Variants in ASCC3 observed in about 807,000 individuals in gnomAD.
The protein encoded by ASCC3 is ASC-1 complex subunit P200.
In ASCC3, 158 loss-of-function variants were observed where a neutral mutation model predicts 256.3. That is an observed-to-expected ratio of 0.62 (90% confidence interval 0.54 to 0.70). The LOEUF (loss-of-function observed/expected upper bound fraction) is 0.70. Among genes scored for constraint, ASCC3 ranks in the 30% least tolerant of loss-of-function variants. The pLI is 0.00. For synonymous variants in ASCC3, 948 were observed against 883.4 expected (o/e 1.07, Z -1.30); for missense variants, 2,259 against 2,626.0 (o/e 0.86, Z 3.05).
chr6:100,809,472 T>G (rs1363071783), intron 4 of ASCC3, among the ~76,000 whole-genome samples: 1 of 152,122 alleles, frequency 6.6e-6, no homozygotes, highest in Non-Finnish European at 1.5e-5. Flanking sequence ...TAGAAATTTT[T>G]CAGTTCTATT....
chr6:100,676,891 T>C (rs1777049304), intron 14 of ASCC3, among the ~76,000 whole-genome samples: 4 of 152,150 alleles, frequency 2.6e-5, no homozygotes, highest in Admixed American at 6.5e-5. Flanking sequence ...AAGTCAGGAA[T>C]TGAGGTGATT....
At position 100,629,064 on chromosome 6, in the gene ASCC3, G is replaced by T; in HGVS notation, c.4326C>A (p.Asn1442Lys). 6.2e-7 allele frequency: 1 copy of T among 1,613,720 alleles called. No individual in the cohort carries two copies. The highest frequency in any genetic ancestry group is 1.3e-5 in the African/African-American group (1 of 74,996). The change falls in exon 27 of 42, where the codon AAC becomes AAA. Residue 1442 changes from asparagine (N) to lysine (K), a missense_variant. Coordinates refer to ENST00000369162, the MANE Select transcript of ASCC3 (RefSeq NM_006828.4). ...TGAGAATAGTGACTTGCTGAACATA[G>T]TTCCTATTTTGCCAGCTTCTGCTGA... ...DGVSRSWQNR[N>K]YVQQVTILII... is the part of the protein sequence containing the mutation.
At position 100,663,853 on chromosome 6, in the gene ASCC3, C is replaced by T. The variant is rs188570556; in HGVS notation, c.2287-1317G>A. On this transcript the variant is annotated intron_variant, in intron 14 of 41. Transcript: ENST00000369162. ...TGGGTGGAAGACACGAAAACAAAAA[C>T]GCACTTAATTGACACCAATCAAGTT... Among the ~76,000 whole-genome samples the T allele has an allele frequency of 2.8e-3, 426 of 152,150 alleles. 5 individuals are homozygous for T. Among genetic ancestry groups the T allele is most frequent in the Admixed American group, 5.3e-3 (81 of 15,246 alleles).
At chr6:100,580,577 T>TTTATTA (rs369397234) in intron 36 of ASCC3, among the ~76,000 whole-genome samples, 69 of 151,086 alleles carry the variant, frequency 4.6e-4, no homozygotes, top group Admixed American at 1.5e-3. Context: ...ATAAAAATCT[T>TTTATTA]TTATTATTAT....
At chr6:100,661,339 AC>A (rs1271150303) in intron 16 of ASCC3, among the ~76,000 whole-genome samples, 5 of 151,264 alleles carry the variant, frequency 3.3e-5, no homozygotes, top group Non-Finnish European at 7.4e-5. Context: ...ACACACACAC[AC>A]ACACACACAC....
chr6:100,757,137 A>G (rs1371196025), intron 10 of ASCC3, among the ~76,000 whole-genome samples: 2 of 152,164 alleles, frequency 1.3e-5, no homozygotes, highest in South Asian at 2.1e-4. Context: ...CTATTCTAAT[A>G]CATGAGAATA....
At chr6:100,730,924 G>A (rs1779872677) in intron 10 of ASCC3, among the ~76,000 whole-genome samples, 2 of 152,096 alleles carry the variant, frequency 1.3e-5, no homozygotes, top group African/African-American at 2.4e-5. Context: ...TTTATGTCAA[G>A]GATGGTGGCT....
At chr6:100,637,071 G>A (rs1043094464) in intron 25 of ASCC3, among the ~76,000 whole-genome samples, 2 of 152,198 alleles carry the variant, frequency 1.3e-5, no homozygotes, top group South Asian at 2.1e-4. Context: ...AATATTGGAG[G>A]AGGATGTCAT....
At chr6:100,607,493 A>C (rs1320559666) in intron 30 of ASCC3, among the ~76,000 whole-genome samples, 2 of 151,942 alleles carry the variant, frequency 1.3e-5, no homozygotes, top group Non-Finnish European at 2.9e-5. Flanking sequence ...GAAAAAAAAA[A>C]TCAGCCATAA....
At chr6:100,514,579 A>T (rs1773928321) in intron 39 of ASCC3, among the ~76,000 whole-genome samples, 1 of 151,748 alleles carries the variant, frequency 6.6e-6, no homozygotes, top group Admixed American at 6.6e-5. Context: ...TATTATTTTC[A>T]ATCTACAATG....
At chr6:100,837,334 T>C (rs1771925868) in intron 4 of ASCC3, among the ~76,000 whole-genome samples, 1 of 152,054 alleles carries the variant, frequency 6.6e-6, no homozygotes. Context: ...TGAAGGTTTC[T>C]CAAAAAATTA....
At chr6:100,842,905 T>C (rs1772214035) in intron 4 of ASCC3, among the ~76,000 whole-genome samples, 1 of 151,896 alleles carries the variant, frequency 6.6e-6, no homozygotes. Context: ...AGCCCAGGAG[T>C]TACAGGTTAT....
intron 3 of ASCC3, among the ~76,000 whole-genome samples, chr6:100,862,469 T>C (rs1452567224): frequency 6.6e-6 from 1 of 152,034 alleles, no homozygotes; most frequent in Middle Eastern, 3.2e-3. Context: ...GATTTGATGA[T>C]CATAAAAAGT....
At chr6:100,647,490 T>C (rs1458291343) in intron 20 of ASCC3, 39 bp from the exon 21 acceptor site, 3 of 1,544,372 alleles carry the variant, frequency 1.9e-6, no homozygotes, top group Admixed American at 1.7e-5. Context: ...TTATACCCAA[T>C]GTGCTTTTAA....
intron 1 of ASCC3, among the ~76,000 whole-genome samples, chr6:100,873,767 C>G (rs1478737693): frequency 6.6e-6 from 1 of 152,136 alleles, no homozygotes; most frequent in Non-Finnish European, 1.5e-5. Context: ...AATTTAGTAT[C>G]CAGCAAAACT....
chr6:100,623,559 A>T (rs1416354763), intron 30 of ASCC3, among the ~76,000 whole-genome samples: 1 of 152,164 alleles, frequency 6.6e-6, no homozygotes, highest in Non-Finnish European at 1.5e-5. Context: ...TGGATTTGGA[A>T]CATTGTTTTT....
chr6:100,705,556 T>C (rs1303255675), intron 13 of ASCC3, among the ~76,000 whole-genome samples: 1 of 151,914 alleles, frequency 6.6e-6, no homozygotes, highest in Non-Finnish European at 1.5e-5. Flanking sequence ...AAAACCAAAG[T>C]ACTTAAGGAA....
In ASCC3 at chr6:100,627,962, C is replaced by T; in HGVS notation, c.4401G>A (p.Glu1467=). 1.9e-6 allele frequency: 3 copies of T among 1,613,404 alleles called. No individual in the cohort carries two copies. The highest frequency in any genetic ancestry group is 2.5e-6 in the Non-Finnish European group (3 of 1,179,740). The change falls in exon 28 of 42, where the codon GAG becomes GAA. Residue 1467 remains glutamate (E), a synonymous_variant. Transcript: ENST00000369162. ...TAAAATTTGTTCGAGATACAATGAC[C>T]TCTAGAACAGGGCCTCTTTCCTCCC... ...LLGEERGPVL[E]VIVSRTNFIS...
intron 3 of ASCC3, chr6:100,856,951 G>T (rs1200172399): frequency 1.3e-5 from 2 of 152,028 alleles, no homozygotes; most frequent in Non-Finnish European, 2.9e-5. Context: ...GGATATTTAT[G>T]TCCTAAGATT....
Sources: allele counts gnomAD v4.1 joint callset (sites outside exome capture counted in the v4.1 genomes callset), GRCh38; gene constraint gnomAD v4.1.1; transcripts MANE v1.5; gene names NCBI Gene and HGNC (gene_info 2026-07-23, HGNC 2026-07-21).